The following PIK3AP1 variants were observed in gnomAD, a reference collection of about 807,000 sequenced individuals.
The protein encoded by PIK3AP1 is phosphoinositide-3-kinase adaptor protein 1, also known as phosphoinositide 3-kinase adapter protein 1.
Under a neutral mutation model 88.1 loss-of-function variants are expected in PIK3AP1, and 21 were observed. The ratio of observed to expected loss-of-function variants is 0.24; its 90% CI spans 0.17 to 0.34. The LOEUF (loss-of-function observed/expected upper bound fraction) is 0.34, where lower values mean the gene tolerates loss of function less well. Among genes scored for constraint, PIK3AP1 ranks in the 10% least tolerant of loss-of-function variants. The probability of loss-of-function intolerance (pLI) is 1.00; values close to 1 mark genes in which losing one functional copy is unlikely to be tolerated. For missense variants in PIK3AP1, 828 were observed against 1,035.7 expected (o/e 0.80, Z 2.75); for synonymous variants, 398 against 400.0 (o/e 1.00, Z 0.06).
chr10:96,698,074 G>T (rs1192876816), intron 2 of PIK3AP1, among the ~76,000 whole-genome samples: 1 of 152,150 alleles, frequency 6.6e-6, no homozygotes, highest in African/African-American at 2.4e-5. Context: ...CTATTTAACT[G>T]GGCCCAAGGC....
intron 8 of PIK3AP1, 32 bp from the exon 9 acceptor site, chr10:96,628,525 T>C (rs1200705845): frequency 6.5e-7 from 1 of 1,543,168 alleles, no homozygotes; most frequent in Non-Finnish European, 9.0e-7. Context: ...GAGTTATATA[T>C]TGGTCTCCTC....
intron 8 of PIK3AP1, among the ~76,000 whole-genome samples, chr10:96,637,971 A>G (rs1283357246): frequency 1.3e-5 from 2 of 152,272 alleles, no homozygotes; most frequent in East Asian, 3.9e-4. Context: ...TGAGAGTTAC[A>G]CAATCAGCTT....
chr10:96,674,257 G>A (rs1409063663), intron 2 of PIK3AP1, among the ~76,000 whole-genome samples: 3 of 152,138 alleles, frequency 2.0e-5, no homozygotes, highest in Non-Finnish European at 2.9e-5. Flanking sequence ...CAGCACAAAC[G>A]CAATTACTAA....
chr10:96,609,570 G>A, intron 14 of PIK3AP1, 142 bp downstream of exon 14: 4 of 873,916 alleles, frequency 4.6e-6, no homozygotes, highest in Non-Finnish European at 6.8e-6. Flanking sequence ...CAGTAACTCG[G>A]CCCCACCTTT....
At chr10:96,662,826 G>C (rs1473877658) in intron 2 of PIK3AP1, among the ~76,000 whole-genome samples, 1 of 135,892 alleles carries the variant, frequency 7.4e-6, no homozygotes, top group Admixed American at 8.1e-5. Flanking sequence ...AGCTTGCAGT[G>C]AGCCGAGATT....
chr10:96,661,787 CAGGAT>C (rs1277739908), intron 2 of PIK3AP1, among the ~76,000 whole-genome samples: 81 of 122,028 alleles, frequency 6.6e-4, no homozygotes, highest in African/African-American at 2.6e-3. Flanking sequence ...AAGGAAAGGA[CAGGAT>C]AGGACAGGAC....
intron 8 of PIK3AP1, 36 bp from the exon 9 acceptor site, chr10:96,628,529 T>C: frequency 1.3e-6 from 2 of 1,522,598 alleles, no homozygotes; most frequent in South Asian, 2.2e-5. Flanking sequence ...TATATATTGG[T>C]CTCCTCCACA....
chr10:96,668,278 G>C (rs1281799566), intron 2 of PIK3AP1, among the ~76,000 whole-genome samples: 1 of 152,124 alleles, frequency 6.6e-6, no homozygotes, highest in Admixed American at 6.6e-5. Flanking sequence ...TGAATTGTAT[G>C]GTACATGAAT....
intron 13 of PIK3AP1, among the ~76,000 whole-genome samples, chr10:96,612,835 C>T (rs539827290): frequency 2.0e-5 from 3 of 151,520 alleles, no homozygotes; most frequent in African/African-American, 4.9e-5. Context: ...GATCACCTCC[C>T]ACACCAGCTA....
chr10:96,676,552 T>C (rs1589531839), intron 2 of PIK3AP1, among the ~76,000 whole-genome samples: 1 of 151,964 alleles, frequency 6.6e-6, no homozygotes, highest in East Asian at 1.9e-4. Context: ...TCCAGACACA[T>C]GGAAGCCAGG....
At position 96,595,237 on chromosome 10, in the gene PIK3AP1, G is replaced by T. The variant is rs1589473202; in HGVS notation, c.*340C>A. 3.5e-6 allele frequency: 1 copy of T among 288,646 alleles called. No individual in the cohort carries two copies. The highest frequency in any genetic ancestry group is 4.8e-5 in the Admixed American group (1 of 20,984). 17.9% of individuals were successfully genotyped at this position (288,646 alleles called of 1,614,324 possible). A position where few individuals can be genotyped will look rare whatever the true frequency, so the allele number is the denominator to read the frequency against. ...TAAAGACTAATATAAGTGCATTTCAGTAAAATCACTGGTGAAGTACATTTA... is the reference window on the plus strand; with the variant it reads ...TAAAGACTAATATAAGTGCATTTCATTAAAATCACTGGTGAAGTACATTTA... On this transcript the variant is annotated 3_prime_UTR_variant, in exon 17 of 17. Coordinates refer to ENST00000339364, the MANE Select transcript of PIK3AP1 (RefSeq NM_152309.3).
At chr10:96,677,622 C>A (rs1425757262) in intron 2 of PIK3AP1, among the ~76,000 whole-genome samples, 1 of 149,256 alleles carries the variant, frequency 6.7e-6, no homozygotes, top group East Asian at 1.9e-4. Context: ...CACACACACA[C>A]ACACAAAAGG....
At chr10:96,614,532 TG>T (rs1288827170) in intron 13 of PIK3AP1, among the ~76,000 whole-genome samples, 2 of 151,946 alleles carry the variant, frequency 1.3e-5, no homozygotes, top group African/African-American at 4.8e-5. Context: ...CCTTCTGCGA[TG>T]GTTAAAACCT....
chr10:96,620,377 C>T lies in PIK3AP1; in HGVS notation c.1916G>A (p.Arg639Gln), dbSNP rs1428602866. The T allele has an allele frequency of 1.2e-6, 2 of 1,614,014 alleles. No homozygotes were observed. The highest frequency in any genetic ancestry group is 1.7e-5 in the Admixed American group (1 of 59,998). ...FKEWQLNQKK[R>Q]SESFRFQQEN... ...CTGCTGGAAACGAAAGGACTCCGAT[C>T]GTTTCTTCTGGTTGAGCTGCCACTC... The change falls in exon 12 of 17, where the codon CGA becomes CAA. Residue 639 changes from arginine to glutamine, a missense_variant. By Grantham distance (43) the Arg-to-Gln change is conservative. Transcript: ENST00000339364.
At chr10:96,712,881 T>C (rs577432846) in intron 1 of PIK3AP1, among the ~76,000 whole-genome samples, 1 of 152,374 alleles carries the variant, frequency 6.6e-6, no homozygotes, top group South Asian at 2.1e-4. Flanking sequence ...TGCATACATA[T>C]GCGTATCATG....
intron 8 of PIK3AP1, among the ~76,000 whole-genome samples, chr10:96,641,582 C>A (rs961855055): frequency 2.6e-5 from 4 of 152,138 alleles, no homozygotes; most frequent in Admixed American, 2.6e-4. Flanking sequence ...TGTAAGTGTC[C>A]CTCTCAGGGC....
At chr10:96,701,563 G>A (rs1312237149) in intron 2 of PIK3AP1, among the ~76,000 whole-genome samples, 1 of 152,194 alleles carries the variant, frequency 6.6e-6, no homozygotes, top group Non-Finnish European at 1.5e-5. Context: ...TTATTTCCCT[G>A]AGGGGAGGAG....
chr10:96,707,798 A>G (rs531639548), intron 2 of PIK3AP1, among the ~76,000 whole-genome samples: 11 of 152,344 alleles, frequency 7.2e-5, no homozygotes, highest in Non-Finnish European at 1.2e-4. Flanking sequence ...CTTCAAAGTA[A>G]TGAAAGGCAA....
chr10:96,631,117 G>A (rs1185327546), intron 8 of PIK3AP1, among the ~76,000 whole-genome samples: 1 of 152,198 alleles, frequency 6.6e-6, no homozygotes, highest in African/African-American at 2.4e-5. Flanking sequence ...AGGGGAGGGA[G>A]AAACTCCACA....
Sources: gnomAD v4.1 joint callset for allele counts (sites outside exome capture counted in the v4.1 genomes callset) on GRCh38, gnomAD v4.1.1 for gene constraint, MANE v1.5 for transcripts, NCBI Gene and HGNC (gene_info 2026-07-23, HGNC 2026-07-21) for gene names.